The following EHBP1 variants were observed in gnomAD, a reference collection of about 807,000 sequenced individuals.
EHBP1 encodes EH domain binding protein 1, also known as EH domain-binding protein 1.
EHBP1 carries 55 observed loss-of-function variants against 144.0 expected under a neutral mutation model. The observed-to-expected ratio is 0.38, with a 90% CI of 0.31 to 0.48. The LOEUF is 0.48. Ranked by LOEUF, EHBP1 falls within the 20% of genes least tolerant of loss-of-function variation. EHBP1 has a pLI of 0.98. For missense variants in EHBP1, 1,200 were observed against 1,364.2 expected (o/e 0.88, Z 1.90); for synonymous variants, 469 against 472.7 (o/e 0.99, Z 0.10).
At chr2:62,835,552 G>A (rs1487020434) in intron 7 of EHBP1, among the ~76,000 whole-genome samples, 9 of 152,206 alleles carry the variant, frequency 5.9e-5, no homozygotes, top group Admixed American at 5.9e-4. Context: ...GCAGAAGACG[G>A]GTGATTTCTG....
intron 1 of EHBP1, among the ~76,000 whole-genome samples, chr2:62,688,128 T>G (rs2033779975): frequency 6.6e-6 from 1 of 152,240 alleles, no homozygotes; most frequent in South Asian, 2.1e-4. Context: ...CTCTGATTTT[T>G]GGTTTGAGAG....
chr2:62,955,533 G>C lies in EHBP1; in HGVS notation c.2333G>C (p.Arg778Thr), dbSNP rs1415685864. 6.2e-7 allele frequency: 1 copy of C among 1,610,008 alleles called. No homozygotes were observed. The highest frequency in any genetic ancestry group is 1.7e-5 in the Admixed American group (1 of 59,624). The stretch of plus-strand genomic sequence containing the variant: ...GCTTTTAAGCATCGATTGTTATCTA[G>C]ACAAGAAGAACTTAAGGAAAGAGCA... The part of the protein sequence containing the change: ...SKIVQHRLLS[R>T]QEELKERARV... The change falls in exon 14 of 23, where the codon AGA (arginine) becomes ACA (threonine). Residue 778 changes from arginine (R) to threonine (T), a missense_variant. This residue lies in a region of EHBP1 where 543 missense variants were observed against 513.1 expected (regional missense o/e 1.06). Transcript: ENST00000431489.
Position 62,778,469 on chromosome 2 carries a change from G to C in EHBP1, c.312+7077G>C, listed in dbSNP as rs368975908. Among the ~76,000 whole-genome samples, 212 of 151,696 alleles carry C rather than the reference G, an allele frequency of 1.4e-3. 2 individuals carry two copies. The highest frequency in any genetic ancestry group is 4.9e-3 in the African/African-American group (203 of 41,314). Reference sequence around the variant, plus strand: ...TGAGGCAAGAGGATTGGTTGAGCCTGGGAGGTTGAGACTGTAATGAGCTCT... The same window carrying C: ...TGAGGCAAGAGGATTGGTTGAGCCTCGGAGGTTGAGACTGTAATGAGCTCT... On this transcript the variant is annotated intron_variant, in intron 5 of 22. Coordinates refer to ENST00000431489, the MANE Select transcript of EHBP1 (RefSeq NM_001142616.3).
intron 3 of EHBP1, among the ~76,000 whole-genome samples, chr2:62,748,488 T>TACAAAA (rs972734784): frequency 5.9e-5 from 9 of 151,904 alleles, no homozygotes; most frequent in African/African-American, 1.5e-4. Context: ...ACCCCATATC[T>TACAAAA]ACAAAAACAA....
chr2:62,825,913 G>A (rs11688816), intron 5 of EHBP1, among the ~76,000 whole-genome samples, 174 bp from the exon 6 acceptor site: 67,385 of 151,758 alleles, frequency 0.44, 15,381 homozygotes, highest in Middle Eastern at 0.64. Flanking sequence ...ACTTATAAAT[G>A]TAACAACTGT....
At chr2:62,680,639 A>G (rs1306726575) in intron 1 of EHBP1, among the ~76,000 whole-genome samples, 1 of 142,234 alleles carries the variant, frequency 7.0e-6, no homozygotes, top group African/African-American at 2.7e-5. Context: ...AGATCACTGG[A>G]CTCTAATAGT....
At chr2:62,844,093 A>C (rs1209792198) in intron 7 of EHBP1, among the ~76,000 whole-genome samples, 1 of 152,256 alleles carries the variant, frequency 6.6e-6, no homozygotes, top group Admixed American at 6.5e-5. Flanking sequence ...TTGAGGGAAC[A>C]GACTGTTAAC....
intron 15 of EHBP1, among the ~76,000 whole-genome samples, chr2:62,979,850 A>G (rs1215513288): frequency 6.6e-6 from 1 of 152,168 alleles, no homozygotes; most frequent in Non-Finnish European, 1.5e-5. Flanking sequence ...ATATCTGCAG[A>G]GATTAATCTA....
At chr2:62,976,018 C>A (rs1392858621) in intron 14 of EHBP1, among the ~76,000 whole-genome samples, 1 of 151,800 alleles carries the variant, frequency 6.6e-6, no homozygotes, top group African/African-American at 2.4e-5. Flanking sequence ...CAAAATAATT[C>A]TTTTCCTTTA....
In EHBP1 at chr2:62,948,577, C is replaced by T. The variant is rs1313273942; in HGVS notation, c.1731C>T (p.Asp577=). ...SGAVDFLSQD[D]SVFVNDSGVG... is the part of the protein sequence containing the mutation. ...CAGTAGACTTCTTATCACAGGATGA[C>T]TCTGTATTTGTAAATGATAGCGGGG... The change falls in exon 13 of 23, where the codon GAC becomes GAT. Residue 577 remains aspartate, a synonymous_variant. Transcript: ENST00000431489. 1 of 1,614,030 alleles carries T rather than the reference C, an allele frequency of 6.2e-7. No homozygotes were observed. The highest frequency in any genetic ancestry group is 8.5e-7 in the Non-Finnish European group (1 of 1,179,994).
chr2:62,720,175 T>C (rs1263390032), intron 2 of EHBP1, among the ~76,000 whole-genome samples: 1 of 152,104 alleles, frequency 6.6e-6, no homozygotes, highest in Non-Finnish European at 1.5e-5. Context: ...AACAAAATGG[T>C]TAGGTATTTC....
chr2:62,986,645 G>T (rs1194613161), intron 15 of EHBP1, among the ~76,000 whole-genome samples: 3 of 151,816 alleles, frequency 2.0e-5, no homozygotes, highest in Non-Finnish European at 4.4e-5. Context: ...CACCATGTTG[G>T]CCAGGCTGGT....
chr2:62,927,458 A>G (rs769036325), intron 10 of EHBP1, among the ~76,000 whole-genome samples: 1 of 152,208 alleles, frequency 6.6e-6, no homozygotes, highest in Non-Finnish European at 1.5e-5. Flanking sequence ...AAACATCACC[A>G]TGTTCCCCTT....
intron 10 of EHBP1, among the ~76,000 whole-genome samples, chr2:62,939,219 T>C (rs2153064051): frequency 6.6e-6 from 1 of 152,124 alleles, no homozygotes; most frequent in African/African-American, 2.4e-5. Flanking sequence ...TAGAGCAGGG[T>C]AAGTGGATTC....
chr2:62,869,529 A>G (rs2050298671), intron 9 of EHBP1, among the ~76,000 whole-genome samples: 1 of 152,206 alleles, frequency 6.6e-6, no homozygotes, highest in Admixed American at 6.5e-5. Context: ...ACCAGAAAAT[A>G]CTATACTGTG....
At chr2:62,873,835 A>C (rs1204342240) in intron 9 of EHBP1, among the ~76,000 whole-genome samples, 1 of 152,186 alleles carries the variant, frequency 6.6e-6, no homozygotes, top group African/African-American at 2.4e-5. Flanking sequence ...ACTTAAATGT[A>C]AGGCTGAAAT....
chr2:62,752,207 A>G (rs1200860439), intron 3 of EHBP1, among the ~76,000 whole-genome samples: 1 of 152,182 alleles, frequency 6.6e-6, no homozygotes, highest in Non-Finnish European at 1.5e-5. Flanking sequence ...GGTTTCAAAG[A>G]ACATCTTTAT....
intron 10 of EHBP1, among the ~76,000 whole-genome samples, chr2:62,899,933 G>T (rs946376686): frequency 6.6e-6 from 1 of 152,174 alleles, no homozygotes; most frequent in African/African-American, 2.4e-5. Context: ...GGGTGCTGTT[G>T]TCTCCACTTT....
In EHBP1 at chr2:62,996,108, A is replaced by G. The variant is rs2059617095; in HGVS notation, c.2980-535A>G. 2.0e-5 allele frequency among the ~76,000 whole-genome samples: 3 copies of G among 152,080 alleles called. No homozygotes were observed. The South Asian group carries it at 6.2e-4, about 32-fold the overall frequency. On this transcript the variant is annotated intron_variant, in intron 18 of 22. Coordinates refer to ENST00000431489, the MANE Select transcript of EHBP1 (RefSeq NM_001142616.3). ...GATATTGTGAACTTCCCTTTTTATC[A>G]TTTTTAAAGTATTTTAAATAATGTA...
Sources: allele counts gnomAD v4.1 joint callset (sites outside exome capture counted in the v4.1 genomes callset), GRCh38; gene constraint gnomAD v4.1.1; regional missense constraint gnomAD v4.1.1; transcripts MANE v1.5; gene names NCBI Gene and HGNC (gene_info 2026-07-23, HGNC 2026-07-21).